KCTD1: variants seen among roughly 807,000 people sequenced by gnomAD.
The protein encoded by KCTD1 is potassium channel tetramerization domain containing 1.
Under a neutral mutation model 66.0 loss-of-function variants are expected in KCTD1, and 24 were observed. The ratio of observed to expected loss-of-function variants is 0.36; its 90% CI spans 0.26 to 0.51. The LOEUF (loss-of-function observed/expected upper bound fraction) is 0.51. KCTD1 is among the 20% of genes least tolerant of loss of function. KCTD1 has a pLI of 0.95. For synonymous variants in KCTD1, 511 were observed against 517.2 expected, an observed-to-expected ratio of 0.99 and a Z score of 0.16; for missense variants, 943 against 1,205.2, an observed-to-expected ratio of 0.78 and a Z score of 3.22.
At chr18:26,607,368 A>G (rs539747330) in intron 1 of KCTD1, among the ~76,000 whole-genome samples, 204 of 152,302 alleles carry the variant, frequency 1.3e-3, no homozygotes, top group African/African-American at 4.6e-3. Flanking sequence ...CTATTATAGC[A>G]TGTAACATAT....
intron 1 of KCTD1, among the ~76,000 whole-genome samples, chr18:26,505,550 A>C (rs150732672): frequency 1.2e-3 from 188 of 152,288 alleles, no homozygotes; most frequent in Admixed American, 4.4e-3. Flanking sequence ...TCTCCTTTGC[A>C]ACATTTTTAC....
intron 1 of KCTD1, among the ~76,000 whole-genome samples, chr18:26,640,119 A>C (rs1279747857): frequency 6.6e-6 from 1 of 152,126 alleles, no homozygotes; most frequent in Non-Finnish European, 1.5e-5. Context: ...AGTGGTCCAG[A>C]GGAGAGAGGG....
chr18:26,642,571 A>G (rs892858663), upstream of KCTD1, among the ~76,000 whole-genome samples: 1 of 152,156 alleles, frequency 6.6e-6, no homozygotes, highest in Non-Finnish European at 1.5e-5. Flanking sequence ...TACAAACTAG[A>G]GCACTAACTA....
intron 1 of KCTD1, among the ~76,000 whole-genome samples, chr18:26,533,596 C>A (rs1225982651): frequency 1.3e-5 from 2 of 152,122 alleles, no homozygotes; most frequent in Non-Finnish European, 2.9e-5. Context: ...ACCTCCCAGG[C>A]TCAAGCAATC....
intron 1 of KCTD1, among the ~76,000 whole-genome samples, chr18:26,563,463 A>T (rs976885188): frequency 2.6e-5 from 4 of 151,912 alleles, no homozygotes; most frequent in Admixed American, 1.3e-4. Context: ...TCCTACCTTG[A>T]CTCTTATGCC....
chr18:26,496,788 C>A (rs1046667510), intron 2 of KCTD1, among the ~76,000 whole-genome samples: 1 of 151,434 alleles, frequency 6.6e-6, no homozygotes, highest in African/African-American at 2.4e-5. Context: ...CACTGGTAAC[C>A]TTGGTAATAA....
intron 1 of KCTD1, among the ~76,000 whole-genome samples, chr18:26,656,320 C>T (rs937329477): frequency 1.5e-4 from 23 of 152,228 alleles, no homozygotes; most frequent in African/African-American, 5.5e-4. Flanking sequence ...CCAGCGCCGC[C>T]CCCACCCCCT....
intron 1 of KCTD1, among the ~76,000 whole-genome samples, chr18:26,504,861 C>T (rs1220641003): frequency 1.3e-5 from 2 of 152,196 alleles, no homozygotes; most frequent in Non-Finnish European, 2.9e-5. Context: ...TTCTCAACTT[C>T]ACCTGGATGG....
chr18:26,517,949 C>T (rs1983739209), intron 1 of KCTD1, among the ~76,000 whole-genome samples: 1 of 152,184 alleles, frequency 6.6e-6, no homozygotes, highest in Admixed American at 6.5e-5. Flanking sequence ...GGTGGGGTCC[C>T]CCCAAGTCCC....
At chr18:26,536,180 T>C (rs1984701654) in intron 1 of KCTD1, among the ~76,000 whole-genome samples, 2 of 152,170 alleles carry the variant, frequency 1.3e-5, no homozygotes, top group Non-Finnish European at 2.9e-5. Context: ...GAAACCACGC[T>C]GGGCTCCAAA....
At chr18:26,532,843 C>T (rs1204509922) in intron 1 of KCTD1, among the ~76,000 whole-genome samples, 1 of 152,166 alleles carries the variant, frequency 6.6e-6, no homozygotes, top group African/African-American at 2.4e-5. Context: ...CTATATTAAT[C>T]ATGGTTTTAT....
At chr18:26,631,493 G>T (rs1021243592), upstream of KCTD1, among the ~76,000 whole-genome samples, 1 of 148,882 alleles carries the variant, frequency 6.7e-6, no homozygotes, top group African/African-American at 2.5e-5. Context: ...TAAAAATAAG[G>T]TATTCTAATC....
At chr18:26,544,286 T>C (rs1985110079) in intron 1 of KCTD1, 1 of 152,236 alleles carries the variant, frequency 6.6e-6, no homozygotes, top group African/African-American at 2.4e-5. Context: ...TAATCTTTGT[T>C]AATCCTTGAA....
At chr18:26,459,452 AAG>A (rs1427970661) in intron 4 of KCTD1, 166 bp downstream of exon 4, 1 of 638,486 alleles carries the variant, frequency 1.6e-6, no homozygotes, top group African/African-American at 1.8e-5. Context: ...GCACAATCAC[AAG>A]ACTTACGGAA....
chr18:26,656,545 ACGAAG>A (rs1988146834), intron 1 of KCTD1, among the ~76,000 whole-genome samples: 1 of 151,736 alleles, frequency 6.6e-6, no homozygotes, highest in African/African-American at 2.4e-5. Context: ...CCGGCCGGCG[ACGAAG>A]AGCGCCGGGC....
intron 1 of KCTD1, chr18:26,591,346 C>T (rs1369006011): frequency 6.6e-6 from 1 of 152,136 alleles, no homozygotes; most frequent in Non-Finnish European, 1.5e-5. Context: ...CTTTAAATAA[C>T]TAAATTATTT....
intron 1 of KCTD1, among the ~76,000 whole-genome samples, chr18:26,571,730 T>C (rs527349242): frequency 6.6e-6 from 1 of 152,322 alleles, no homozygotes; most frequent in East Asian, 1.9e-4. Context: ...TGGATATTCT[T>C]GGATCATAAA....
rs1237087680 is a variant in KCTD1, at chr18:26,548,231, G to A, written c.306C>T (p.Asp102=). 3 of 1,509,006 alleles carry A rather than the reference G, an allele frequency of 2.0e-6. No individual in the cohort carries two copies. The highest frequency in any genetic ancestry group is 4.1e-5 in the Admixed American group (2 of 49,130). The allele number at this position is 1,509,006 out of a possible 1,614,324, so 93.5% of individuals were successfully genotyped here. The part of the protein sequence containing the change: ...EEEEEMGLDW[D]EPLEPEDSAG... ...CCGAGTCCTCGGGCTCCAGGGGCTC[G>A]TCCCAGTCCAGCCCCATCTCCTCCT... The change falls in exon 1 of 5, where the codon GAC becomes GAT. Residue 102 remains aspartate (D), a synonymous_variant. Coordinates refer to ENST00000580059, the MANE Select transcript of KCTD1 (RefSeq NM_001142730.3).
In KCTD1 at chr18:26,530,346, G is replaced by C. The variant is rs141029915; in HGVS notation, c.1809+16382C>G. ...TTAGAGGTTGAGCCAGGGAAAGACA[G>C]AAGAGATATGAGGGTTACAGGGAAA... On this transcript the variant is annotated intron_variant, in intron 1 of 4. Coordinates refer to ENST00000580059, the MANE Select transcript of KCTD1 (RefSeq NM_001142730.3). 9.3e-3 allele frequency among the ~76,000 whole-genome samples: 1,417 copies of C among 152,270 alleles called. 16 individuals carry two copies. Among genetic ancestry groups the C allele is most frequent in the Non-Finnish European group, 0.015 (1,037 of 68,026 alleles).
Sources: allele counts gnomAD v4.1 joint callset (sites outside exome capture counted in the v4.1 genomes callset), GRCh38; gene constraint gnomAD v4.1.1; transcripts MANE v1.5; gene names NCBI Gene and HGNC (gene_info 2026-07-23, HGNC 2026-07-21).